The following PCSK2 variants were observed in gnomAD, a reference collection of about 807,000 sequenced individuals.
PCSK2 encodes proprotein convertase subtilisin/kexin type 2.
PCSK2 carries 14 observed loss-of-function variants against 69.7 expected under a neutral mutation model. The observed-to-expected ratio is 0.20, with a 90% CI of 0.13 to 0.31. The LOEUF (loss-of-function observed/expected upper bound fraction) is 0.31. Among genes scored for constraint, PCSK2 ranks in the 10% least tolerant of loss-of-function variants. The probability of loss-of-function intolerance (pLI) is 1.00; values close to 1 mark genes in which losing one functional copy is unlikely to be tolerated. For synonymous variants in PCSK2, 307 were observed against 320.7 expected (o/e 0.96, Z 0.46); for missense variants, 544 against 842.5 (o/e 0.65, Z 4.39).
chr20:17,326,163 A>C (rs1266432781), intron 2 of PCSK2, among the ~76,000 whole-genome samples: 2 of 152,240 alleles, frequency 1.3e-5, no homozygotes, highest in Admixed American at 1.3e-4. Flanking sequence ...AAAGGATGAA[A>C]ATTCAAAGCC....
intron 1 of PCSK2, among the ~76,000 whole-genome samples, chr20:17,229,377 G>T (rs1368572360): frequency 6.7e-6 from 1 of 150,264 alleles, no homozygotes. Flanking sequence ...ATTCTTGAGT[G>T]TGATCTTGCT....
intron 7 of PCSK2, among the ~76,000 whole-genome samples, chr20:17,433,845 C>CA (rs2032424118): frequency 9.6e-6 from 1 of 104,230 alleles, no homozygotes; most frequent in Non-Finnish European, 2.0e-5. Context: ...CTCCTCCCCC[C>CA]CTTCCTCCCT....
intron 5 of PCSK2, among the ~76,000 whole-genome samples, chr20:17,394,969 T>C (rs1256578372): frequency 6.6e-6 from 1 of 152,222 alleles, no homozygotes; most frequent in Non-Finnish European, 1.5e-5. Flanking sequence ...TTCTTTTTTG[T>C]CACATTTCAC....
chr20:17,370,791 C>A (rs2030735412), intron 5 of PCSK2, among the ~76,000 whole-genome samples: 1 of 152,220 alleles, frequency 6.6e-6, no homozygotes, highest in South Asian at 2.1e-4. Flanking sequence ...CTTCACCTTT[C>A]CCTGCCTCCT....
intron 2 of PCSK2, among the ~76,000 whole-genome samples, chr20:17,347,787 C>CGAAATAAA (rs1430705853): frequency 0.015 from 711 of 48,602 alleles, 59 homozygotes; most frequent in South Asian, 0.024. Context: ...GACACATAGA[C>CGAAATAAA]GAAAGAAAGA....
At chr20:17,422,756 T>C (rs2032159925) in intron 6 of PCSK2, among the ~76,000 whole-genome samples, 1 of 151,916 alleles carries the variant, frequency 6.6e-6, no homozygotes, top group East Asian at 1.9e-4. Context: ...CATAATAATA[T>C]GAGATTGTAG....
intron 4 of PCSK2, 117 bp from the exon 5 acceptor site, chr20:17,369,123 C>A: frequency 1.2e-6 from 1 of 814,054 alleles, no homozygotes; most frequent in Non-Finnish European, 2.1e-6. Context: ...CACTCACCCC[C>A]ATGGCAAGCC....
intron 5 of PCSK2, among the ~76,000 whole-genome samples, chr20:17,387,095 A>T (rs1297316643): frequency 6.6e-6 from 1 of 152,188 alleles, no homozygotes; most frequent in African/African-American, 2.4e-5. Context: ...TCTGGGTCCA[A>T]TCCTGCCTCT....
intron 5 of PCSK2, among the ~76,000 whole-genome samples, chr20:17,378,273 G>C (rs185386999): frequency 6.6e-6 from 1 of 150,866 alleles, no homozygotes; most frequent in East Asian, 2.0e-4. Flanking sequence ...TGTTTTCTTG[G>C]GTCGATACAG....
intron 7 of PCSK2, among the ~76,000 whole-genome samples, chr20:17,435,945 C>T (rs73248128): frequency 1.1e-3 from 165 of 152,334 alleles, no homozygotes; most frequent in African/African-American, 3.8e-3. Flanking sequence ...GCGCCAGCAC[C>T]TTCACCCTGT....
chr20:17,358,564 C>T (rs995000345), intron 3 of PCSK2, 124 bp downstream of exon 3: 1 of 613,554 alleles, frequency 1.6e-6, no homozygotes, highest in Non-Finnish European at 2.9e-6. Context: ...CCTCTCTGTC[C>T]CCTTACATAT....
intron 2 of PCSK2, among the ~76,000 whole-genome samples, chr20:17,311,085 A>G (rs577397023): frequency 1.7e-3 from 254 of 152,118 alleles, no homozygotes; most frequent in Middle Eastern, 0.01. Context: ...TTTTAATTAG[A>G]AAGATCAACA....
chr20:17,481,413 A>AAAAAGAGAG (rs113487407), intron 11 of PCSK2, among the ~76,000 whole-genome samples, 171 bp from the exon 12 acceptor site: 10 of 115,830 alleles, frequency 8.6e-5, no homozygotes, highest in African/African-American at 3.9e-4. Context: ...AAAAAAAAAA[A>AAAAAGAGAG]AGAGATAAGT....
rs187130703 is a variant in PCSK2 at position 17,322,028 on chromosome 20, A to G, written c.283-36299A>G. Reference sequence around the variant, plus strand: ...ACCAATGTTAGGGAAGAAAACTAACACTGGTTAAACACCTCTAAATGCCAA... The same window carrying G: ...ACCAATGTTAGGGAAGAAAACTAACGCTGGTTAAACACCTCTAAATGCCAA... On this transcript the variant is annotated intron_variant, in intron 2 of 11. Coordinates refer to ENST00000262545, the MANE Select transcript of PCSK2 (RefSeq NM_002594.5). Among the ~76,000 whole-genome samples the G allele has an allele frequency of 1.1e-4, 16 of 152,128 alleles. No homozygotes were observed. The East Asian group carries it at 2.9e-3, about 28-fold the overall frequency.
intron 11 of PCSK2, among the ~76,000 whole-genome samples, chr20:17,477,895 A>G (rs1022298145): frequency 6.6e-6 from 1 of 152,246 alleles, no homozygotes; most frequent in African/African-American, 2.4e-5. Flanking sequence ...AAATTTAATT[A>G]CATTTCATAA....
At chr20:17,332,558 C>T (rs1466379246) in intron 2 of PCSK2, among the ~76,000 whole-genome samples, 1 of 152,102 alleles carries the variant, frequency 6.6e-6, no homozygotes, top group Non-Finnish European at 1.5e-5. Context: ...AAATTGTGTC[C>T]CCTGAACCAG....
intron 2 of PCSK2, among the ~76,000 whole-genome samples, chr20:17,311,779 A>C (rs1164882342): frequency 6.6e-6 from 1 of 152,194 alleles, no homozygotes; most frequent in Non-Finnish European, 1.5e-5. Flanking sequence ...TGAGTTTTAC[A>C]AGACATCAAA....
At chr20:17,250,085 C>T (rs1367913736) in intron 1 of PCSK2, among the ~76,000 whole-genome samples, 1 of 152,062 alleles carries the variant, frequency 6.6e-6, no homozygotes, top group Non-Finnish European at 1.5e-5. Context: ...CCAAAATTAA[C>T]GTCTTAGGTA....
At chr20:17,278,143 A>G (rs1250346120) in intron 2 of PCSK2, among the ~76,000 whole-genome samples, 1 of 152,220 alleles carries the variant, frequency 6.6e-6, no homozygotes, top group Non-Finnish European at 1.5e-5. Context: ...TAGTTCAACC[A>G]TTGTGGAAGT....
Sources: gnomAD v4.1 joint callset for allele counts (sites outside exome capture counted in the v4.1 genomes callset) on GRCh38, gnomAD v4.1.1 for gene constraint, MANE v1.5 for transcripts, NCBI Gene and HGNC (gene_info 2026-07-23, HGNC 2026-07-21) for gene names.